Variants in MTUS2 observed in about 807,000 individuals in gnomAD.
The protein encoded by MTUS2 is microtubule-associated tumor suppressor candidate 2.
A neutral mutation model predicts 114.1 loss-of-function variants in MTUS2; 40 were observed. The observed-to-expected ratio is 0.35, with a 90% CI of 0.27 to 0.46. The LOEUF is 0.46. Ranked by LOEUF, MTUS2 falls within the 20% of genes least tolerant of loss-of-function variation. The pLI, the probability that MTUS2 is intolerant of heterozygous loss-of-function variation, is 1.00. For missense variants in MTUS2, 1,679 were observed against 1,705.4 expected (o/e 0.98, Z 0.27); for synonymous variants, 688 against 672.0 (o/e 1.02, Z -0.37).
intron 2 of MTUS2, among the ~76,000 whole-genome samples, chr13:28,990,768 G>C (rs1884809146): frequency 6.6e-6 from 1 of 152,186 alleles, no homozygotes; most frequent in African/African-American, 2.4e-5. Flanking sequence ...TCCCCTTCCA[G>C]GCTGTGGAAG....
intron 5 of MTUS2, among the ~76,000 whole-genome samples, chr13:29,126,349 TC>T (rs1013176168): frequency 2.6e-5 from 4 of 152,144 alleles, no homozygotes; most frequent in Admixed American, 2.6e-4. Context: ...CAGCCGTATT[TC>T]CCATTCTTTC....
At chr13:28,827,005 C>A (rs368144487) in intron 1 of MTUS2, among the ~76,000 whole-genome samples, 1 of 152,210 alleles carries the variant, frequency 6.6e-6, no homozygotes, top group South Asian at 2.1e-4. Flanking sequence ...TTGAAAATAG[C>A]TTCTCAAGAC....
chr13:29,382,842 C>A lies in MTUS2; in HGVS notation c.3117+23369C>A, dbSNP rs566874254. Among the ~76,000 whole-genome samples the A allele has an allele frequency of 1.1e-4, 17 of 152,006 alleles. 1 individual carries two copies. Among genetic ancestry groups the A allele is most frequent in the African/African-American group, 4.1e-4 (17 of 41,426 alleles). On this transcript the variant is annotated intron_variant, in intron 8 of 15. Transcript: ENST00000612955. ...ATTTAAGTCAGTGTGTGATTAATTACCAAAGATCACAGTGCTCTGGAAATG... is the reference window on the plus strand; with the variant it reads ...ATTTAAGTCAGTGTGTGATTAATTAACAAAGATCACAGTGCTCTGGAAATG...
At chr13:29,344,652 A>C (rs748177353) in intron 7 of MTUS2, among the ~76,000 whole-genome samples, 5 of 152,226 alleles carry the variant, frequency 3.3e-5, no homozygotes, top group Admixed American at 1.3e-4. Flanking sequence ...ATTAACATTC[A>C]ATGTCAATAT....
At chr13:28,932,581 C>G (rs950122716) in intron 2 of MTUS2, among the ~76,000 whole-genome samples, 2 of 152,108 alleles carry the variant, frequency 1.3e-5, no homozygotes, top group African/African-American at 4.8e-5. Context: ...AGTTACTGTC[C>G]CTTTATCCAG....
At chr13:29,292,530 G>C (rs568195421) in intron 6 of MTUS2, among the ~76,000 whole-genome samples, 2 of 152,298 alleles carry the variant, frequency 1.3e-5, no homozygotes, top group South Asian at 2.1e-4. Flanking sequence ...CTAGTAATTA[G>C]AGTGAGAGTG....
chr13:29,381,060 A>G (rs1308130366), intron 8 of MTUS2, among the ~76,000 whole-genome samples: 1 of 151,802 alleles, frequency 6.6e-6, no homozygotes, highest in East Asian at 1.9e-4. Context: ...TGCTGTAGCA[A>G]GGGAAGAAAG....
intron 9 of MTUS2, among the ~76,000 whole-genome samples, chr13:29,450,843 G>C (rs1878631295): frequency 6.6e-6 from 1 of 152,198 alleles, no homozygotes; most frequent in Non-Finnish European, 1.5e-5. Flanking sequence ...TGCTAGGAAT[G>C]AAGTTGGCCA....
At chr13:29,502,863 T>A in intron 15 of MTUS2, 130 bp from the exon 16 acceptor site, 1 of 853,156 alleles carries the variant, frequency 1.2e-6, no homozygotes, top group African/African-American at 1.7e-5. Context: ...TCTTGGTCAC[T>A]GGGTCACCCT....
chr13:28,880,007 A>T (rs191823158), intron 2 of MTUS2, among the ~76,000 whole-genome samples: 1 of 152,340 alleles, frequency 6.6e-6, no homozygotes, highest in Non-Finnish European at 1.5e-5. Flanking sequence ...TGATATATTG[A>T]GAGAAGACAA....
intron 2 of MTUS2, among the ~76,000 whole-genome samples, chr13:28,842,891 C>G (rs1339843615): frequency 6.6e-6 from 1 of 152,160 alleles, no homozygotes; most frequent in Non-Finnish European, 1.5e-5. Context: ...GCCCAACACT[C>G]ATTATCTCAG....
rs556755883 is a variant in MTUS2 at position 29,390,987 on chromosome 13, T to C, written c.3117+31514T>C. On this transcript the variant is annotated intron_variant, in intron 8 of 15. Coordinates refer to ENST00000612955, the MANE Select transcript of MTUS2 (RefSeq NM_001033602.4). ...TAGTAGAGACGGGGTTTCACCATATTGGTCGGGCTGGTCTCGAACTCCTGA... is the reference window on the plus strand; with the variant it reads ...TAGTAGAGACGGGGTTTCACCATATCGGTCGGGCTGGTCTCGAACTCCTGA... Among the ~76,000 whole-genome samples the C allele has an allele frequency of 1.1e-4, 17 of 152,192 alleles. 1 individual carries two copies. In the South Asian group the frequency reaches 1.9e-3, roughly 17 times the overall value.
intron 5 of MTUS2, among the ~76,000 whole-genome samples, chr13:29,227,567 C>T (rs1479018306): frequency 6.6e-6 from 1 of 152,186 alleles, no homozygotes; most frequent in Non-Finnish European, 1.5e-5. Context: ...TACCATCATA[C>T]CAAGGAGAAT....
At chr13:29,245,944 G>A (rs140912619) in intron 5 of MTUS2, among the ~76,000 whole-genome samples, 6 of 152,080 alleles carry the variant, frequency 3.9e-5, no homozygotes, top group Admixed American at 6.5e-5. Flanking sequence ...TGATCTGCCC[G>A]CCTAGGCCTC....
intron 4 of MTUS2, among the ~76,000 whole-genome samples, chr13:29,043,953 CTA>C (rs891661806): frequency 6.6e-6 from 1 of 152,016 alleles, no homozygotes; most frequent in African/African-American, 2.4e-5. Flanking sequence ...TATTATGAAT[CTA>C]TACTACATTG....
intron 5 of MTUS2, among the ~76,000 whole-genome samples, chr13:29,109,302 A>ATG (rs1252461688): frequency 4.0e-5 from 6 of 151,894 alleles, no homozygotes; most frequent in Admixed American, 6.6e-5. Context: ...TTCTGTGTAT[A>ATG]TGTGTGTGTG....
intron 4 of MTUS2, among the ~76,000 whole-genome samples, chr13:29,069,637 T>A (rs941793926): frequency 5.3e-5 from 8 of 152,210 alleles, no homozygotes; most frequent in African/African-American, 1.9e-4. Context: ...GTGAGCCACA[T>A]TCACATAAGA....
chr13:28,950,824 G>GGAGAA (rs1189617250), intron 2 of MTUS2, among the ~76,000 whole-genome samples: 1 of 152,176 alleles, frequency 6.6e-6, no homozygotes, highest in Non-Finnish European at 1.5e-5. Flanking sequence ...TTATCAAAAT[G>GGAGAA]TGACATGGAG....
chr13:28,887,178 A>G (rs1878641160), intron 2 of MTUS2, among the ~76,000 whole-genome samples: 1 of 152,176 alleles, frequency 6.6e-6, no homozygotes, highest in Admixed American at 6.5e-5. Context: ...TGATTTGGGT[A>G]GTTGACCTGA....
Sources: gnomAD v4.1 joint callset for allele counts (sites outside exome capture counted in the v4.1 genomes callset) on GRCh38, gnomAD v4.1.1 for gene constraint, MANE v1.5 for transcripts, NCBI Gene and HGNC (gene_info 2026-07-23, HGNC 2026-07-21) for gene names.